TCF7L2: variants seen among roughly 807,000 people sequenced by gnomAD.
TCF7L2 encodes transcription factor 7-like 2.
TCF7L2 carries 23 observed loss-of-function variants against 77.9 expected under a neutral mutation model. The ratio of observed to expected loss-of-function variants is 0.30; its 90% CI spans 0.21 to 0.42. TCF7L2 has a LOEUF of 0.42. TCF7L2 is among the 10% of genes least tolerant of loss of function. TCF7L2 has a pLI of 1.00. For synonymous variants in TCF7L2, 413 were observed against 340.2 expected (o/e 1.21, Z -2.36); for missense variants, 654 against 793.1 (o/e 0.82, Z 2.11).
At chr10:113,036,687 T>C (rs1206102561) in intron 4 of TCF7L2, among the ~76,000 whole-genome samples, 1 of 151,942 alleles carries the variant, frequency 6.6e-6, no homozygotes, top group East Asian at 1.9e-4. Flanking sequence ...TTTCTTTCTT[T>C]CTTTTTTTTT....
intron 5 of TCF7L2, among the ~76,000 whole-genome samples, chr10:113,061,316 G>A (rs1040925798): frequency 6.6e-6 from 1 of 152,122 alleles, no homozygotes; most frequent in African/African-American, 2.4e-5. Flanking sequence ...TCTGTGCCTC[G>A]CTGGGACAGA....
chr10:113,002,543 G>T (rs1396563783), intron 4 of TCF7L2, among the ~76,000 whole-genome samples: 2 of 152,044 alleles, frequency 1.3e-5, no homozygotes, highest in East Asian at 1.9e-4. Context: ...GCTGTGTGTG[G>T]GGGTGTGTGT....
At chr10:113,044,003 G>A (rs190541404) in intron 5 of TCF7L2, among the ~76,000 whole-genome samples, 25 of 152,100 alleles carry the variant, frequency 1.6e-4, no homozygotes, top group Admixed American at 1.2e-3. Context: ...CTTACAAAAC[G>A]GCAAAAGACT....
chr10:113,008,700 G>A (rs1467719857), intron 4 of TCF7L2, among the ~76,000 whole-genome samples: 3 of 151,992 alleles, frequency 2.0e-5, no homozygotes, highest in Non-Finnish European at 2.9e-5. Context: ...ATCCCGTAAC[G>A]GCTAAAGTAA....
chr10:113,031,949 A>G (rs894689116), intron 4 of TCF7L2, among the ~76,000 whole-genome samples: 1 of 152,232 alleles, frequency 6.6e-6, no homozygotes, highest in Non-Finnish European at 1.5e-5. Context: ...GCATTGGAGT[A>G]GAAAGAGTTT....
intron 5 of TCF7L2, chr10:113,129,219 C>T (rs2066155360): frequency 4.3e-6 from 3 of 698,396 alleles, no homozygotes; most frequent in Non-Finnish European, 5.3e-6. Context: ...TCCCCTCTCC[C>T]ATCGCAGCCC....
intron 12 of TCF7L2, among the ~76,000 whole-genome samples, chr10:113,158,343 G>A (rs1413828920): frequency 1.3e-5 from 2 of 152,134 alleles, no homozygotes; most frequent in African/African-American, 4.8e-5. Flanking sequence ...GAGAGCAAGC[G>A]GTAGGCATGC....
chr10:113,146,040 C>G lies in TCF7L2; in HGVS notation c.818C>G (p.Thr273Arg), dbSNP rs1164042419. The change falls in exon 8 of 14, where the codon ACA becomes AGA. Residue 273 changes from threonine to arginine, a missense_variant. Thr to Arg is a moderately conservative substitution (Grantham distance 71, BLOSUM62 -1). This residue lies in a region of TCF7L2 where 179 missense variants were observed against 270.6 expected (regional missense o/e 0.66). Transcript: ENST00000627217. ...GGTCAACCAGTGTACCCAATCACGA[C>G]AGGAGGATTCAGACACCCCTACCCC... 6.3e-7 allele frequency: 1 copy of G among 1,598,846 alleles called. No homozygotes were observed. The highest frequency in any genetic ancestry group is 8.5e-7 in the Non-Finnish European group (1 of 1,171,636).
chr10:113,161,541 T>C (rs2073164775), intron 13 of TCF7L2: 12 of 1,535,702 alleles, frequency 7.8e-6, no homozygotes, highest in Non-Finnish European at 1.0e-5. Flanking sequence ...TGACCACCTT[T>C]GGTTAAATGT....
chr10:113,053,405 G>A (rs2054810211), intron 5 of TCF7L2, among the ~76,000 whole-genome samples: 1 of 152,104 alleles, frequency 6.6e-6, no homozygotes, highest in Admixed American at 6.5e-5. Context: ...GCAAGGGTGT[G>A]GATTGTCGGG....
chr10:113,066,360 C>T (rs141659409), intron 5 of TCF7L2, among the ~76,000 whole-genome samples: 1,981 of 149,000 alleles, frequency 0.013, 42 homozygotes, highest in African/African-American at 0.046. Context: ...AGCAAAAGTC[C>T]GTCTCAAAAA....
chr10:113,027,387 G>A (rs2049370907), intron 4 of TCF7L2, among the ~76,000 whole-genome samples: 1 of 152,190 alleles, frequency 6.6e-6, no homozygotes, highest in Non-Finnish European at 1.5e-5. Context: ...CAGAGAGGGT[G>A]CCTGTCAACG....
At chr10:113,090,748 A>G (rs533563087) in intron 5 of TCF7L2, among the ~76,000 whole-genome samples, 9 of 145,892 alleles carry the variant, frequency 6.2e-5, no homozygotes, top group Non-Finnish European at 1.4e-4. Context: ...TAGCTGGACT[A>G]CAGGTGCGCG....
chr10:113,102,383 A>G (rs1241485552), intron 5 of TCF7L2, among the ~76,000 whole-genome samples: 1 of 151,394 alleles, frequency 6.6e-6, no homozygotes, highest in Non-Finnish European at 1.5e-5. Flanking sequence ...AGTGACATAC[A>G]TGGAAACTGG....
At chr10:113,143,198 G>A (rs2068698005) in intron 6 of TCF7L2, among the ~76,000 whole-genome samples, 1 of 152,262 alleles carries the variant, frequency 6.6e-6, no homozygotes, top group African/African-American at 2.4e-5. Flanking sequence ...GCTCATGTGT[G>A]CCTTGTGAAG....
intron 13 of TCF7L2, among the ~76,000 whole-genome samples, chr10:113,162,133 G>C (rs2073260526): frequency 6.6e-6 from 1 of 152,206 alleles, no homozygotes. Context: ...ACTTGTACCA[G>C]GTGGGAAGAT....
intron 4 of TCF7L2, among the ~76,000 whole-genome samples, chr10:113,008,694 C>T (rs1472889167): frequency 6.6e-6 from 1 of 152,220 alleles, no homozygotes; most frequent in African/African-American, 2.4e-5. Context: ...AGTATAATCC[C>T]GTAACGGCTA....
intron 4 of TCF7L2, among the ~76,000 whole-genome samples, chr10:113,018,470 A>G (rs1469527331): frequency 2.6e-5 from 1 of 37,828 alleles, no homozygotes; most frequent in Admixed American, 2.1e-4. Flanking sequence ...TTTTTTTTTT[A>G]AAGACAGAGA....
intron 5 of TCF7L2, among the ~76,000 whole-genome samples, chr10:113,058,112 G>T (rs147368054): frequency 1.4e-4 from 22 of 152,322 alleles, no homozygotes; most frequent in African/African-American, 4.3e-4. Context: ...GGGGAAGAAG[G>T]TGGTGGCTAT....
Sources: gnomAD v4.1 joint callset for allele counts (sites outside exome capture counted in the v4.1 genomes callset) on GRCh38, gnomAD v4.1.1 for gene constraint, gnomAD v4.1.1 regional missense constraint, MANE v1.5 for transcripts, NCBI Gene and HGNC (gene_info 2026-07-23, HGNC 2026-07-21) for gene names.